The following L3MBTL4 variants were observed in gnomAD, a reference collection of about 807,000 sequenced individuals.
The protein encoded by L3MBTL4 is L3MBTL histone methyl-lysine binding protein 4, also known as lethal(3)malignant brain tumor-like protein 4.
In L3MBTL4, 70 loss-of-function variants were observed where a neutral mutation model predicts 84.5. The observed-to-expected ratio is 0.83, with a 90% CI of 0.68 to 1.01. The LOEUF (loss-of-function observed/expected upper bound fraction) is 1.01. Ranked by LOEUF, L3MBTL4 falls within the 50% of genes least tolerant of loss-of-function variation. The pLI is 0.00. For missense variants in L3MBTL4, 715 were observed against 754.8 expected, an observed-to-expected ratio of 0.95 and a Z score of 0.62; for synonymous variants, 274 against 259.8, an observed-to-expected ratio of 1.05 and a Z score of -0.52.
At chr18:6,402,975 G>C (rs1029204199) in intron 1 of L3MBTL4, among the ~76,000 whole-genome samples, 1 of 152,298 alleles carries the variant, frequency 6.6e-6, no homozygotes, top group East Asian at 1.9e-4. Flanking sequence ...CAGAGGCAGA[G>C]GTAGGAAAGA....
At chr18:6,003,865 G>C (rs1398782141) in intron 16 of L3MBTL4, among the ~76,000 whole-genome samples, 1 of 152,074 alleles carries the variant, frequency 6.6e-6, no homozygotes, top group Non-Finnish European at 1.5e-5. Flanking sequence ...CTTATGTGAT[G>C]AAGCATAAAC....
intron 4 of L3MBTL4, among the ~76,000 whole-genome samples, chr18:6,266,082 TA>T (rs1827152076): frequency 6.6e-6 from 1 of 152,208 alleles, no homozygotes; most frequent in African/African-American, 2.4e-5. Flanking sequence ...TATATACAAT[TA>T]TTTCTCATTT....
chr18:6,029,687 T>A, intron 16 of L3MBTL4: 2 of 985,290 alleles, frequency 2.0e-6, no homozygotes, highest in Non-Finnish European at 2.4e-6. Context: ...CTTACTATGG[T>A]CAAGTTCACA....
At chr18:6,041,669 C>T (rs765817423) in intron 16 of L3MBTL4, among the ~76,000 whole-genome samples, 1 of 152,084 alleles carries the variant, frequency 6.6e-6, no homozygotes, top group Non-Finnish European at 1.5e-5. Flanking sequence ...CGCAGCCACA[C>T]TATATACCCT....
intron 17 of L3MBTL4, among the ~76,000 whole-genome samples, chr18:5,967,817 C>T (rs2052428325): frequency 6.6e-6 from 1 of 152,204 alleles, no homozygotes; most frequent in African/African-American, 2.4e-5. Context: ...CAGCAGGACT[C>T]CCTGGGGCAG....
At chr18:6,024,836 C>T (rs562129457) in intron 16 of L3MBTL4, among the ~76,000 whole-genome samples, 1 of 152,218 alleles carries the variant, frequency 6.6e-6, no homozygotes, top group East Asian at 1.9e-4. Context: ...TTTGGTTTCA[C>T]ACAACAGGGT....
intron 10 of L3MBTL4, among the ~76,000 whole-genome samples, chr18:6,225,866 G>C (rs533141619): frequency 2.6e-5 from 4 of 151,446 alleles, no homozygotes; most frequent in East Asian, 3.9e-4. Flanking sequence ...TTTCAACCCA[G>C]AATTATATAC....
chr18:6,059,189 G>A (rs492005), intron 16 of L3MBTL4, among the ~76,000 whole-genome samples: 3 of 152,314 alleles, frequency 2.0e-5, no homozygotes, highest in Non-Finnish European at 4.4e-5. Flanking sequence ...ATGTGTCAGA[G>A]ACAGACTCCA....
chr18:6,311,814 C>T (rs898235942), intron 2 of L3MBTL4, among the ~76,000 whole-genome samples, 158 bp from the exon 3 acceptor site: 1 of 152,128 alleles, frequency 6.6e-6, no homozygotes, highest in Non-Finnish European at 1.5e-5. Flanking sequence ...TTTTATAGTA[C>T]TTAATATAAT....
At chr18:6,017,279 G>A (rs560239013) in intron 16 of L3MBTL4, among the ~76,000 whole-genome samples, 1 of 152,274 alleles carries the variant, frequency 6.6e-6, no homozygotes, top group East Asian at 1.9e-4. Flanking sequence ...GGACAGTCTG[G>A]GCCTGCTGCT....
At chr18:6,051,804 C>T (rs565318782) in intron 16 of L3MBTL4, among the ~76,000 whole-genome samples, 1 of 152,122 alleles carries the variant, frequency 6.6e-6, no homozygotes, top group Non-Finnish European at 1.5e-5. Context: ...GACCCCGGCA[C>T]CGTAAGAGCC....
intron 1 of L3MBTL4, among the ~76,000 whole-genome samples, chr18:6,345,488 G>A (rs1389253299): frequency 1.3e-5 from 2 of 151,802 alleles, no homozygotes; most frequent in African/African-American, 4.8e-5. Context: ...TAAATTTGCA[G>A]AATATGAAAC....
intron 12 of L3MBTL4, among the ~76,000 whole-genome samples, chr18:6,197,673 A>C (rs1302686037): frequency 6.6e-6 from 1 of 152,190 alleles, no homozygotes; most frequent in Non-Finnish European, 1.5e-5. Flanking sequence ...TTCTAGGTAC[A>C]GCTTGCCTTT....
At chr18:6,165,152 A>G (rs979092356) in intron 13 of L3MBTL4, among the ~76,000 whole-genome samples, 3 of 152,164 alleles carry the variant, frequency 2.0e-5, no homozygotes, top group Non-Finnish European at 4.4e-5. Flanking sequence ...AAAGAAATGA[A>G]CAAAGCCTCC....
chr18:5,984,567 T>A (rs1004773192), intron 16 of L3MBTL4, among the ~76,000 whole-genome samples: 16 of 152,160 alleles, frequency 1.1e-4, no homozygotes, highest in Admixed American at 5.9e-4. Context: ...TAACTGAATA[T>A]TTTTTTGGGG....
chr18:6,301,421 T>C (rs183212617), intron 4 of L3MBTL4, among the ~76,000 whole-genome samples: 52 of 152,288 alleles, frequency 3.4e-4, no homozygotes, highest in African/African-American at 1.2e-3. Flanking sequence ...ATCAGAGAAT[T>C]AGTTGAATAT....
At chr18:6,270,856 G>C (rs987356415) in intron 4 of L3MBTL4, among the ~76,000 whole-genome samples, 2 of 152,206 alleles carry the variant, frequency 1.3e-5, no homozygotes, top group African/African-American at 4.8e-5. Flanking sequence ...GAACCACTTG[G>C]AGACTTTCGA....
At chr18:6,293,166 T>C (rs1462974013) in intron 4 of L3MBTL4, among the ~76,000 whole-genome samples, 2 of 152,184 alleles carry the variant, frequency 1.3e-5, no homozygotes, top group Non-Finnish European at 2.9e-5. Flanking sequence ...TATAGACATC[T>C]GTGTTCATAA....
chr18:6,326,059 A>T (rs984342070), intron 1 of L3MBTL4, among the ~76,000 whole-genome samples: 16 of 152,184 alleles, frequency 1.1e-4, no homozygotes, highest in African/African-American at 3.9e-4. Context: ...CCTTCATTAG[A>T]TCACACTATT....
Sources: gnomAD v4.1 joint callset for allele counts (sites outside exome capture counted in the v4.1 genomes callset) on GRCh38, gnomAD v4.1.1 for gene constraint, MANE v1.5 for transcripts, NCBI Gene and HGNC (gene_info 2026-07-23, HGNC 2026-07-21) for gene names.